DRC2: variants seen among roughly 807,000 people sequenced by gnomAD.
DRC2 encodes the protein dynein regulatory complex subunit 2, also known as coiled-coil domain containing 65.
At chr12:48,907,862 T>G in the DRC2 span, among the ~76,000 whole-genome samples, 1 of 152,208 alleles carries the variant, frequency 6.6e-6, no homozygotes, top group African/African-American at 2.4e-5. Flanking sequence ...TCCTCTGAAC[T>G]TCAGCATTCC....
the DRC2 span, among the ~76,000 whole-genome samples, chr12:48,916,205 G>A: frequency 1.1e-4 from 16 of 151,786 alleles, no homozygotes; most frequent in South Asian, 2.1e-4. Flanking sequence ...GGTGGCGGCC[G>A]GGCAGAGGCT....
chr12:48,904,371 T>G, the DRC2 span: 1 of 1,613,918 alleles, frequency 6.2e-7, no homozygotes, highest in Non-Finnish European at 8.5e-7. Flanking sequence ...AAGACGCCCC[T>G]GTCCGATGAG....
chr12:48,914,864 G>A, the DRC2 span, among the ~76,000 whole-genome samples: 1 of 143,720 alleles, frequency 7.0e-6, no homozygotes, highest in Non-Finnish European at 1.5e-5. Context: ...TTTTTATTTT[G>A]TTTTGTTTTT....
chr12:48,918,899 A>G, the DRC2 span: 1 of 1,609,794 alleles, frequency 6.2e-7, no homozygotes, highest in Non-Finnish European at 8.5e-7. Flanking sequence ...AAGATTGTTG[A>G]TAAGGTAACA....
chr12:48,911,948 G>T, the DRC2 span, among the ~76,000 whole-genome samples: 1 of 150,770 alleles, frequency 6.6e-6, no homozygotes, highest in Non-Finnish European at 1.5e-5. Flanking sequence ...GTATCCTCCA[G>T]TGATAACTGA....
the DRC2 span, chr12:48,917,099 C>A: frequency 6.2e-7 from 1 of 1,613,894 alleles, no homozygotes; most frequent in Non-Finnish European, 8.5e-7. Flanking sequence ...GGAATGATCT[C>A]AAAAACATGG....
chr12:48,918,906 AAC>A, the DRC2 span: 1 of 1,606,148 alleles, frequency 6.2e-7, no homozygotes, highest in Non-Finnish European at 8.5e-7. Context: ...TTGATAAGGT[AAC>A]ACAGGGGAGA....
At chr12:48,908,493 C>T in the DRC2 span, among the ~76,000 whole-genome samples, 3 of 152,030 alleles carry the variant, frequency 2.0e-5, no homozygotes, top group East Asian at 5.8e-4. Flanking sequence ...TCATCTCTAA[C>T]CTACACTATT....
At chr12:48,918,732 G>A in the DRC2 span, 2 of 1,614,142 alleles carry the variant, frequency 1.2e-6, no homozygotes, top group Non-Finnish European at 8.5e-7. Flanking sequence ...ACAGCCGTGA[G>A]AGTGAAGATG....
the DRC2 span, chr12:48,916,946 G>A: frequency 6.2e-7 from 1 of 1,611,738 alleles, no homozygotes; most frequent in South Asian, 1.1e-5. Context: ...CCTCAGAGCA[G>A]GGACAGTGTC....
At chr12:48,909,222 T>C in the DRC2 span, among the ~76,000 whole-genome samples, 1 of 151,606 alleles carries the variant, frequency 6.6e-6, no homozygotes, top group African/African-American at 2.4e-5. Context: ...TTGGTATTTT[T>C]AGTAGAGACG....
chr12:48,918,674 T>A, the DRC2 span: 2 of 1,612,110 alleles, frequency 1.2e-6, no homozygotes, highest in African/African-American at 2.7e-5. Context: ...TAATCTACTC[T>A]GTTCCTCTAG....
the DRC2 span, chr12:48,904,879 A>G: frequency 7.4e-7 from 1 of 1,347,518 alleles, no homozygotes; most frequent in African/African-American, 1.5e-5. Context: ...TGATAAATTA[A>G]GAGTGATCTT....
chr12:48,909,742 G>A, the DRC2 span, among the ~76,000 whole-genome samples: 1 of 150,162 alleles, frequency 6.7e-6, no homozygotes, highest in Non-Finnish European at 1.5e-5. Context: ...CTCCCAAAAT[G>A]TTGGGATTAC....
chr12:48,909,447 G>A, the DRC2 span, among the ~76,000 whole-genome samples: 39 of 151,978 alleles, frequency 2.6e-4, no homozygotes, highest in Non-Finnish European at 4.6e-4. Flanking sequence ...TTCTCCAGTC[G>A]TCCTGGCAAA....
the DRC2 span, among the ~76,000 whole-genome samples, chr12:48,916,614 GGGGAGAGGGAGACCATGGGGAGA>G: frequency 6.6e-6 from 1 of 150,680 alleles, no homozygotes; most frequent in African/African-American, 2.4e-5. Context: ...GGGAGACCAT[GGGGAGAGGGAGACCATGGGGAGA>G]GGGAGAGGGA....
the DRC2 span, chr12:48,917,122 G>C: frequency 1.2e-6 from 2 of 1,613,582 alleles, no homozygotes; most frequent in Non-Finnish European, 1.7e-6. Flanking sequence ...CGGAGGGAGA[G>C]TAGATAGGCA....
chr12:48,920,111 TA>T, the DRC2 span, among the ~76,000 whole-genome samples: 124 of 32,070 alleles, frequency 3.9e-3, no homozygotes, highest in African/African-American at 0.014. Context: ...AGACCCTGTC[TA>T]AAAAAAAAAA....
the DRC2 span, among the ~76,000 whole-genome samples, chr12:48,908,610 T>A: frequency 6.7e-6 from 1 of 148,184 alleles, no homozygotes; most frequent in Non-Finnish European, 1.5e-5. Context: ...TATTATTATT[T>A]ATTTATTTAT....
Sources: gnomAD v4.1 joint callset for allele counts (sites outside exome capture counted in the v4.1 genomes callset) on GRCh38, gnomAD v4.1.1 for gene constraint, MANE v1.5 for transcripts, NCBI Gene and HGNC (gene_info 2026-07-23, HGNC 2026-07-21) for gene names.